PITPNC1: variants seen among roughly 807,000 people sequenced by gnomAD.
PITPNC1 encodes cytoplasmic phosphatidylinositol transfer protein 1.
A neutral mutation model predicts 44.7 loss-of-function variants in PITPNC1; 18 were observed. The observed-to-expected ratio is 0.40, with a 90% confidence interval of 0.28 to 0.60. PITPNC1 has a LOEUF of 0.60. Ranked by LOEUF, PITPNC1 falls within the 20% of genes least tolerant of loss-of-function variation. The probability of loss-of-function intolerance (pLI) is 0.39; values close to 1 mark genes in which losing one functional copy is unlikely to be tolerated. For missense variants in PITPNC1, 290 were observed against 418.4 expected (o/e 0.69, Z 2.68); for synonymous variants, 141 against 149.6 (o/e 0.94, Z 0.42).
At chr17:67,401,373 C>G (rs2038308343) in intron 1 of PITPNC1, among the ~76,000 whole-genome samples, 1 of 152,134 alleles carries the variant, frequency 6.6e-6, no homozygotes, top group Non-Finnish European at 1.5e-5. Context: ...CCAGCCATCG[C>G]TTGGGTGTGG....
chr17:67,538,217 G>T (rs1252227986), intron 2 of PITPNC1, among the ~76,000 whole-genome samples: 1 of 152,042 alleles, frequency 6.6e-6, no homozygotes, highest in African/African-American at 2.4e-5. Context: ...ATTATTGAGG[G>T]GAAGATGAAC....
At chr17:67,655,892 T>G (rs1014868708) in intron 6 of PITPNC1, among the ~76,000 whole-genome samples, 12 of 152,122 alleles carry the variant, frequency 7.9e-5, no homozygotes, top group African/African-American at 2.9e-4. Flanking sequence ...ATGGCACCAC[T>G]GCACTCCAGC....
At chr17:67,391,791 AT>A (rs1191550711) in intron 1 of PITPNC1, among the ~76,000 whole-genome samples, 1 of 152,108 alleles carries the variant, frequency 6.6e-6, no homozygotes, top group East Asian at 1.9e-4. Context: ...AAAAAATCCA[AT>A]TTCTTAGAGA....
chr17:67,495,052 GTTT>G (rs1243868487), intron 1 of PITPNC1, among the ~76,000 whole-genome samples: 12 of 38,582 alleles, frequency 3.1e-4, no homozygotes, highest in South Asian at 1.4e-3. Flanking sequence ...TTTTTTTTTT[GTTT>G]TTTTTTTTTT....
intron 5 of PITPNC1, among the ~76,000 whole-genome samples, chr17:67,631,199 A>T (rs1008338144): frequency 5.3e-5 from 8 of 151,256 alleles, no homozygotes; most frequent in Non-Finnish European, 8.8e-5. Context: ...TTATGTGTAC[A>T]AAGGAAATTG....
chr17:67,560,568 C>T (rs960134355), intron 4 of PITPNC1, among the ~76,000 whole-genome samples: 4 of 152,154 alleles, frequency 2.6e-5, no homozygotes, highest in South Asian at 2.1e-4. Context: ...GTTGTATGGA[C>T]GAGCCAGTTG....
intron 6 of PITPNC1, among the ~76,000 whole-genome samples, chr17:67,647,949 TTTACC>T (rs2042170839): frequency 6.6e-6 from 1 of 152,126 alleles, no homozygotes; most frequent in Non-Finnish European, 1.5e-5. Context: ...ACTCATCACT[TTTACC>T]TGCTTTATAT....
chr17:67,393,202 T>G (rs1165793256), intron 1 of PITPNC1, among the ~76,000 whole-genome samples: 2 of 151,646 alleles, frequency 1.3e-5, no homozygotes, highest in Admixed American at 1.3e-4. Context: ...ACTTTTCGAG[T>G]GTACAGTTTC....
intron 5 of PITPNC1, among the ~76,000 whole-genome samples, 161 bp downstream of exon 5, chr17:67,578,418 T>C (rs1279017666): frequency 6.6e-6 from 1 of 152,206 alleles, no homozygotes; most frequent in Non-Finnish European, 1.5e-5. Context: ...CCTGGGACTT[T>C]TCCCTGGAAT....
intron 7 of PITPNC1, among the ~76,000 whole-genome samples, chr17:67,669,990 T>G (rs2144401730): frequency 6.6e-6 from 1 of 152,124 alleles, no homozygotes; most frequent in South Asian, 2.1e-4. Flanking sequence ...GGAGAATTAC[T>G]TGAACCCGGG....
rs567284500 is a variant in PITPNC1, at chr17:67,414,422, C to T, written c.48+36220C>T. ...TGCAAGAAGTTAAAAATAATTATGC[C>T]GAATGAAAAAAGCCCCACCCCCCCA... On this transcript the variant is annotated intron_variant, in intron 1 of 8. Transcript: ENST00000581322. Among the ~76,000 whole-genome samples, 8 of 151,952 alleles carry T rather than the reference C, an allele frequency of 5.3e-5. No homozygotes were observed. The East Asian group carries it at 5.8e-4, about 11-fold the overall frequency.
chr17:67,472,413 C>T (rs1305049962), intron 1 of PITPNC1, among the ~76,000 whole-genome samples: 3 of 145,050 alleles, frequency 2.1e-5, no homozygotes, highest in East Asian at 2.0e-4. Flanking sequence ...TTTGGGAGGC[C>T]GAGGCGGGTG....
chr17:67,471,343 T>C (rs1042749676), intron 1 of PITPNC1: 5 of 222,342 alleles, frequency 2.2e-5, no homozygotes, highest in African/African-American at 7.2e-5. Context: ...TACCACAGTC[T>C]GTTTATTCAT....
chr17:67,421,080 G>A (rs868329352), intron 1 of PITPNC1, among the ~76,000 whole-genome samples: 3 of 152,034 alleles, frequency 2.0e-5, no homozygotes, highest in African/African-American at 4.8e-5. Context: ...AGATCTCTGC[G>A]CATTCCACCC....
At chr17:67,663,968 G>A (rs1020730308) in intron 6 of PITPNC1, among the ~76,000 whole-genome samples, 3 of 151,896 alleles carry the variant, frequency 2.0e-5, no homozygotes, top group Non-Finnish European at 4.4e-5. Context: ...TTTGTTTTTT[G>A]TTTTTTTGTT....
chr17:67,505,134 C>G (rs193028887), intron 1 of PITPNC1, among the ~76,000 whole-genome samples: 69 of 152,282 alleles, frequency 4.5e-4, no homozygotes, highest in African/African-American at 1.6e-3. Context: ...GTTTTATGGT[C>G]TAGTATACGG....
intron 5 of PITPNC1, among the ~76,000 whole-genome samples, chr17:67,579,365 G>T (rs1158678972): frequency 6.6e-6 from 1 of 152,180 alleles, no homozygotes; most frequent in Non-Finnish European, 1.5e-5. Flanking sequence ...AAGCTTCGGG[G>T]CTTCCCCAGA....
chr17:67,488,621 T>C (rs771273547), intron 1 of PITPNC1, among the ~76,000 whole-genome samples: 3 of 152,232 alleles, frequency 2.0e-5, no homozygotes, highest in Non-Finnish European at 4.4e-5. Flanking sequence ...CATTTTTAAA[T>C]GTACAGTTCT....
chr17:67,544,432 G>T (rs1049601832), intron 2 of PITPNC1, among the ~76,000 whole-genome samples: 4 of 152,212 alleles, frequency 2.6e-5, no homozygotes, highest in African/African-American at 9.6e-5. Flanking sequence ...GGGCACTGGA[G>T]AAAAGATGGA....
Sources: allele counts gnomAD v4.1 joint callset (sites outside exome capture counted in the v4.1 genomes callset), GRCh38; gene constraint gnomAD v4.1.1; transcripts MANE v1.5; gene names NCBI Gene and HGNC (gene_info 2026-07-23, HGNC 2026-07-21).